Variants in TBL1X observed in about 807,000 individuals in gnomAD.
TBL1X encodes F-box-like/WD repeat-containing protein TBL1X.
Under a neutral mutation model 50.7 loss-of-function variants are expected in TBL1X, and 10 were observed. The observed-to-expected ratio is 0.20, with a 90% CI of 0.12 to 0.33. The LOEUF is 0.33. Among genes scored for constraint, TBL1X ranks in the 10% least tolerant of loss-of-function variants. TBL1X has a pLI of 1.00. For synonymous variants in TBL1X, 190 were observed against 214.7 expected (o/e 0.88, Z 1.01); for missense variants, 340 against 504.4 (o/e 0.67, Z 3.12).
In TBL1X at chrX:9,691,772, G is replaced by A. The variant is rs2083099639; in HGVS notation, c.749+61G>A. 32 of 1,176,336 alleles carry A rather than the reference G, an allele frequency of 2.7e-5. No homozygotes were observed. In the South Asian group the frequency reaches 4.5e-4, roughly 17 times the overall value. ...GGGAGATGGGAGATGCAAGCTGCTCGCCCTTCTCTGGAGTTCTGCCTAAAG... is the reference window on the plus strand; with the variant it reads ...GGGAGATGGGAGATGCAAGCTGCTCACCCTTCTCTGGAGTTCTGCCTAAAG... On this transcript the variant is annotated intron_variant, in intron 8 of 17. Transcript: ENST00000645353.
At chrX:9,580,166 G>A (rs1273708367) in intron 2 of TBL1X, among the ~76,000 whole-genome samples, 2 of 111,649 alleles carry the variant, frequency 1.8e-5, no homozygotes, top group Non-Finnish European at 3.8e-5. Flanking sequence ...GGTTTTATAT[G>A]TGAACCCCCA....
Position 9,472,561 on chromosome X carries a change from C to T in TBL1X, c.-201+7114C>T, listed in dbSNP as rs749573439. 1.2e-4 allele frequency among the ~76,000 whole-genome samples: 13 copies of T among 109,017 alleles called. No homozygotes were observed. The South Asian group carries it at 1.2e-3, about 10-fold the overall frequency. 94.7% of individuals were successfully genotyped at this position (109,017 alleles called of 115,157 possible). ...CCTGCATCGGCCTCCCAAAGTGCTG[C>T]GATTACAGTTGTGAGCTACTGTTCC... On this transcript the variant is annotated intron_variant, in intron 1 of 17. Coordinates refer to ENST00000645353, the MANE Select transcript of TBL1X (RefSeq NM_005647.4).
chrX:9,622,378 A>G (rs1261246448), intron 2 of TBL1X, among the ~76,000 whole-genome samples: 1 of 111,198 alleles, frequency 9.0e-6, no homozygotes, highest in Non-Finnish European at 1.9e-5. Context: ...GGAATCATAC[A>G]TTAATTGTCC....
intron 2 of TBL1X, among the ~76,000 whole-genome samples, chrX:9,548,373 C>T (rs1016905313): frequency 8.9e-6 from 1 of 111,952 alleles, no homozygotes; most frequent in African/African-American, 3.3e-5. Flanking sequence ...ATTGCCATTA[C>T]TTTTTGCCTT....
At chrX:9,651,374 C>T (rs1601817163) in intron 3 of TBL1X, among the ~76,000 whole-genome samples, 1 of 111,975 alleles carries the variant, frequency 8.9e-6, no homozygotes, top group Admixed American at 9.5e-5. Flanking sequence ...ATTCTTTTTG[C>T]TCCTCCTAGT....
At chrX:9,580,531 A>G (rs2082435382) in intron 2 of TBL1X, among the ~76,000 whole-genome samples, 1 of 111,921 alleles carries the variant, frequency 8.9e-6, no homozygotes, top group African/African-American at 3.3e-5. Flanking sequence ...AAGGGGAGGC[A>G]GGTTTGCTCT....
At chrX:9,534,577 A>C (rs764264866) in intron 2 of TBL1X, among the ~76,000 whole-genome samples, 1 of 111,178 alleles carries the variant, frequency 9.0e-6, no homozygotes, top group East Asian at 2.8e-4. Context: ...TTTAAAAAAA[A>C]AATACAGTGT....
chrX:9,693,337 C>T lies in TBL1X; in HGVS notation c.971C>T (p.Thr324Ile). 8.3e-7 allele frequency: 1 copy of T among 1,211,262 alleles called. No homozygotes were observed. The highest frequency in any genetic ancestry group is 1.1e-6 in the Non-Finnish European group (1 of 895,197). Residue 324 changes from threonine (T) to isoleucine (I), a missense_variant, in exon 11 of 18, where the codon ACC becomes ATC. Physicochemically the swap from Thr to Ile is moderately conservative, Grantham distance 89. Around this residue, in one of 6 missense-constraint regions of TBL1X, gnomAD observed 170 missense variants for 272.6 expected, o/e 0.62. Transcript: ENST00000645353. ...IWTEDGNLAS[T>I]LGQHKGPIFA... ...TTACTAACAGGTAACCTGGCCAGCA[C>T]CTTAGGCCAACATAAAGGCCCCATC...
At chrX:9,630,999 A>AATAT (rs111898957) in intron 2 of TBL1X, among the ~76,000 whole-genome samples, 1 of 109,169 alleles carries the variant, frequency 9.2e-6, no homozygotes, top group African/African-American at 3.3e-5. Flanking sequence ...ATATATGGAT[A>AATAT]ATATATATAT....
chrX:9,711,820 C>G, intron 16 of TBL1X, 44 bp downstream of exon 16: 1 of 1,139,048 alleles, frequency 8.8e-7, no homozygotes, highest in South Asian at 2.1e-5. Context: ...GTAAGGGATG[C>G]CCAAATAGCC....
intron 2 of TBL1X, among the ~76,000 whole-genome samples, chrX:9,617,634 T>C (rs1377994651): frequency 9.0e-6 from 1 of 111,619 alleles, no homozygotes; most frequent in Non-Finnish European, 1.9e-5. Flanking sequence ...GTGGAGGGGA[T>C]GACACAGCAG....
chrX:9,534,557 A>G (rs183253147), intron 2 of TBL1X, among the ~76,000 whole-genome samples: 6 of 110,275 alleles, frequency 5.4e-5, no homozygotes, highest in Admixed American at 9.7e-5. Flanking sequence ...AACAGTTCTT[A>G]ATACCCTAAT....
At chrX:9,464,871 A>G (rs2081759179), upstream of TBL1X, 1 of 108,530 alleles carries the variant, frequency 9.2e-6, no homozygotes, top group Non-Finnish European at 1.9e-5. Context: ...GCGGGTCCCC[A>G]CTAGGAGCCG....
At chrX:9,581,694 G>A (rs774544157) in intron 2 of TBL1X, among the ~76,000 whole-genome samples, 9 of 112,031 alleles carry the variant, frequency 8.0e-5, no homozygotes, top group Admixed American at 2.8e-4. Flanking sequence ...TTAGTGCTGC[G>A]AGAAGGTTTA....
intron 2 of TBL1X, among the ~76,000 whole-genome samples, chrX:9,520,319 C>T (rs1253333842): frequency 9.0e-6 from 1 of 111,595 alleles, no homozygotes; most frequent in African/African-American, 3.3e-5. Flanking sequence ...CGCCCCCCGC[C>T]CCCCACCGAG....
chrX:9,552,576 G>C (rs2028052), intron 2 of TBL1X, among the ~76,000 whole-genome samples: 42,883 of 110,551 alleles, frequency 0.39, 6,289 homozygotes, highest in Admixed American at 0.51. Flanking sequence ...AAAGAAGGCA[G>C]AAATGTGTGA....
chrX:9,665,490 T>TATATATATATATATATAC (rs2082923016), intron 5 of TBL1X, among the ~76,000 whole-genome samples: 1 of 3,848 alleles, frequency 2.6e-4, no homozygotes, highest in African/African-American at 1.1e-3. Flanking sequence ...ATATTCAAGC[T>TATATATATATATATATAC]ATATATATAT....
intron 5 of TBL1X, among the ~76,000 whole-genome samples, chrX:9,665,539 A>ATATATATATATAT (rs3043954): frequency 2.4e-3 from 150 of 62,833 alleles, no homozygotes; most frequent in Non-Finnish European, 3.0e-3. Context: ...ATATATATAT[A>ATATATATATATAT]AAAGGCCTTG....
chrX:9,487,403 G>A (rs1310470474), intron 1 of TBL1X, among the ~76,000 whole-genome samples: 9 of 110,954 alleles, frequency 8.1e-5, no homozygotes, highest in African/African-American at 2.6e-4. Context: ...ATCATGTGAT[G>A]TGTGACCTTT....
Sources: gnomAD v4.1 joint callset for allele counts (sites outside exome capture counted in the v4.1 genomes callset) on GRCh38, gnomAD v4.1.1 for gene constraint, gnomAD v4.1.1 regional missense constraint, MANE v1.5 for transcripts, NCBI Gene and HGNC (gene_info 2026-07-23, HGNC 2026-07-21) for gene names.